The following PPP6C variants were observed in gnomAD, a reference collection of about 807,000 sequenced individuals.
The protein encoded by PPP6C is protein phosphatase 6 catalytic subunit, also known as serine/threonine-protein phosphatase 6 catalytic subunit.
A neutral mutation model predicts 39.8 loss-of-function variants in PPP6C; 11 were observed. The ratio of observed to expected loss-of-function variants is 0.28; its 90% CI spans 0.17 to 0.46. PPP6C has a LOEUF of 0.46. Ranked by LOEUF, PPP6C falls within the 20% of genes least tolerant of loss-of-function variation. The probability of loss-of-function intolerance (pLI) is 1.00; values close to 1 mark genes in which losing one functional copy is unlikely to be tolerated. For missense variants in PPP6C, 211 were observed against 373.9 expected (o/e 0.56, Z 3.59); for synonymous variants, 129 against 130.3 (o/e 0.99, Z 0.07).
intron 1 of PPP6C, among the ~76,000 whole-genome samples, chr9:125,184,293 CAGG>C (rs1829478281): frequency 6.6e-6 from 1 of 151,932 alleles, no homozygotes; most frequent in Non-Finnish European, 1.5e-5. Context: ...GAGGCTGAGG[CAGG>C]AGAATTGTTT....
chr9:125,151,262 G>A (rs543101294), intron 6 of PPP6C: 2 of 1,500,054 alleles, frequency 1.3e-6, no homozygotes, highest in African/African-American at 2.8e-5. Context: ...GCTTGTGGGA[G>A]ATGTGAAGGA....
chr9:125,174,738 T>A (rs749361625), intron 1 of PPP6C, among the ~76,000 whole-genome samples: 2 of 150,210 alleles, frequency 1.3e-5, no homozygotes, highest in Non-Finnish European at 3.0e-5. Flanking sequence ...AGCAAAACCC[T>A]GTCTATACTA....
Position 125,189,773 on chromosome 9 carries a change from CGGCAGCGGCGGA to C in PPP6C, c.-67_-56del, listed in dbSNP as rs1236587988. 6.5e-6 allele frequency: 10 copies of C among 1,535,754 alleles called. No individual in the cohort carries two copies. The highest frequency in any genetic ancestry group is 6.0e-5 in the South Asian group (5 of 83,728). On this transcript the variant is annotated 5_prime_UTR_variant, in exon 1 of 7. Coordinates refer to ENST00000373547, the MANE Select transcript of PPP6C (RefSeq NM_002721.5). ...GCGGCGGCGGCTGTAGCAGCGGCGG[CGGCAGCGGCGGA>C]GGCCGAAGCCGGAACTTTCCCTGCG...
chr9:125,160,371 T>C (rs975439603), intron 3 of PPP6C, among the ~76,000 whole-genome samples: 2 of 152,204 alleles, frequency 1.3e-5, no homozygotes, highest in Non-Finnish European at 2.9e-5. Flanking sequence ...TACAATCACC[T>C]TGATATGGTT....
At position 125,155,853 on chromosome 9, in the gene PPP6C, G is replaced by A. The variant is rs187817182; in HGVS notation, c.380-1868C>T. On this transcript the variant is annotated intron_variant, in intron 4 of 6. Transcript: ENST00000373547. ...CCAGTAGGCAGAGCTTGCAGTGAGC[G>A]AAGATCGCACCACTGCACTCCAGCC... 8.6e-3 allele frequency among the ~76,000 whole-genome samples: 1,214 copies of A among 140,940 alleles called. 19 individuals carry two copies. Among genetic ancestry groups the A allele is most frequent in the African/African-American group, 0.03 (1,136 of 37,634 alleles). 92.5% of individuals were successfully genotyped at this position (140,940 alleles called of 152,430 possible). A position where few individuals can be genotyped will look rare whatever the true frequency, so the allele number is the denominator to read the frequency against.
chr9:125,164,790 G>C (rs1266341200), intron 2 of PPP6C, among the ~76,000 whole-genome samples: 1 of 152,096 alleles, frequency 6.6e-6, no homozygotes, highest in Non-Finnish European at 1.5e-5. Flanking sequence ...CCAGACTGGA[G>C]TGCAGTGGCA....
intron 1 of PPP6C, among the ~76,000 whole-genome samples, chr9:125,182,949 C>A (rs1208710104): frequency 4.6e-5 from 7 of 151,978 alleles, no homozygotes; most frequent in Non-Finnish European, 8.8e-5. Context: ...TAGTTGTTAT[C>A]TAAGTAACAT....
intron 2 of PPP6C, among the ~76,000 whole-genome samples, chr9:125,169,408 G>A (rs1035708841): frequency 1.3e-5 from 2 of 152,182 alleles, no homozygotes; most frequent in African/African-American, 4.8e-5. Flanking sequence ...GTAGTTCGAG[G>A]TTGGTCTCTA....
intron 1 of PPP6C, among the ~76,000 whole-genome samples, chr9:125,177,381 CAAACA>C (rs1829324412): frequency 6.7e-6 from 1 of 150,186 alleles, no homozygotes; most frequent in Non-Finnish European, 1.5e-5. Context: ...TCAAAACAAA[CAAACA>C]AAAAAAATCT....
At chr9:125,167,374 C>T (rs1388004560) in intron 2 of PPP6C, among the ~76,000 whole-genome samples, 1 of 105,338 alleles carries the variant, frequency 9.5e-6, no homozygotes, top group Non-Finnish European at 1.8e-5. Flanking sequence ...GAGCGAGACC[C>T]TGTCCAAAAA....
chr9:125,165,795 C>CTTTTTTTTTTT (rs781221037), intron 2 of PPP6C, among the ~76,000 whole-genome samples: 15 of 113,602 alleles, frequency 1.3e-4, no homozygotes, highest in South Asian at 2.9e-4. Flanking sequence ...TAATCTTTTG[C>CTTTTTTTTTTT]TTTTTTTTTT....
chr9:125,152,370 A>C (rs1166638081), intron 6 of PPP6C, among the ~76,000 whole-genome samples: 3 of 152,168 alleles, frequency 2.0e-5, no homozygotes, highest in African/African-American at 7.2e-5. Context: ...TTCACATTAC[A>C]TGATTTGCTG....
intron 2 of PPP6C, among the ~76,000 whole-genome samples, chr9:125,168,926 A>G (rs1022654424): frequency 1.3e-5 from 2 of 151,252 alleles, no homozygotes; most frequent in African/African-American, 4.9e-5. Context: ...ACACCTGGCT[A>G]ATTTTTGTAT....
chr9:125,165,058 T>A (rs929388526), intron 2 of PPP6C, among the ~76,000 whole-genome samples: 1 of 152,182 alleles, frequency 6.6e-6, no homozygotes, highest in East Asian at 1.9e-4. Flanking sequence ...TTTTTTTTTT[T>A]ATCAGAGGCA....
chr9:125,152,874 T>C (rs1835984675), intron 6 of PPP6C, among the ~76,000 whole-genome samples: 1 of 149,904 alleles, frequency 6.7e-6, no homozygotes, highest in African/African-American at 2.5e-5. Flanking sequence ...TAGAGGAAAC[T>C]AATAAAGTGT....
At chr9:125,170,117 C>T (rs903200347) in intron 2 of PPP6C, among the ~76,000 whole-genome samples, 28 of 152,150 alleles carry the variant, frequency 1.8e-4, no homozygotes, top group Admixed American at 7.2e-4. Flanking sequence ...GCATATAGCA[C>T]TCTATGAGTA....
intron 1 of PPP6C, among the ~76,000 whole-genome samples, 185 bp from the exon 2 acceptor site, chr9:125,171,365 A>T (rs1829143483): frequency 6.6e-6 from 1 of 151,050 alleles, no homozygotes; most frequent in Non-Finnish European, 1.5e-5. Flanking sequence ...TCTTAATGCA[A>T]TGCAAACTAC....
chr9:125,179,139 C>T (rs969887889), intron 1 of PPP6C, among the ~76,000 whole-genome samples: 6 of 144,704 alleles, frequency 4.1e-5, no homozygotes, highest in Non-Finnish European at 9.0e-5. Context: ...TGCTTGAATG[C>T]GGGAGGCAGA....
intron 1 of PPP6C, among the ~76,000 whole-genome samples, chr9:125,187,097 C>T (rs756662262): frequency 6.6e-6 from 1 of 150,886 alleles, no homozygotes; most frequent in African/African-American, 2.5e-5. Flanking sequence ...CAAGCACCTG[C>T]CACCACCTCC....
Sources: gnomAD v4.1 joint callset for allele counts (sites outside exome capture counted in the v4.1 genomes callset) on GRCh38, gnomAD v4.1.1 for gene constraint, MANE v1.5 for transcripts, NCBI Gene and HGNC (gene_info 2026-07-23, HGNC 2026-07-21) for gene names.